CWC27: variants seen among roughly 807,000 people sequenced by gnomAD.
CWC27 encodes the protein spliceosome-associated protein CWC27 homolog.
Under a neutral mutation model 63.6 loss-of-function variants are expected in CWC27, and 47 were observed. That is an observed-to-expected ratio of 0.74 (90% CI 0.58 to 0.94). CWC27 has a LOEUF of 0.94. Ranked by LOEUF, CWC27 falls within the 40% of genes least tolerant of loss-of-function variation. The pLI is 0.00. For missense variants in CWC27, 495 were observed against 554.3 expected, an observed-to-expected ratio of 0.89 and a Z score of 1.07; for synonymous variants, 175 against 179.8, an observed-to-expected ratio of 0.97 and a Z score of 0.22.
At position 64,939,167 on chromosome 5, in the gene CWC27, T is replaced by G. The variant is rs150438917; in HGVS notation, c.1043-32536T>G. Among the ~76,000 whole-genome samples the G allele has an allele frequency of 4.3e-3, 656 of 152,306 alleles. 3 individuals are homozygous for G. The highest frequency in any genetic ancestry group is 0.014 in the African/African-American group (576 of 41,572). ...TTCCCTTGCTGGCGAGAAGTTGTGA[T>G]CCTTTGGAGGAGAAGAGGTGTTCTG... On this transcript the variant is annotated intron_variant, in intron 11 of 13. Coordinates refer to ENST00000381070, the MANE Select transcript of CWC27 (RefSeq NM_005869.4).
Position 64,769,143 on chromosome 5 carries a change from C to G in CWC27, c.-4C>G. 3 of 1,613,950 alleles carry G rather than the reference C, an allele frequency of 1.9e-6. No homozygotes were observed. In the South Asian group the frequency reaches 3.3e-5, roughly 18 times the overall value. ...AAGGAGCAGAGTCCTTTGTACTGACCAAGATGAGCAACATCTACATCCAGG... is the reference window on the plus strand; with the variant it reads ...AAGGAGCAGAGTCCTTTGTACTGACGAAGATGAGCAACATCTACATCCAGG... On this transcript the variant is annotated 5_prime_UTR_variant, in exon 1 of 14. Coordinates refer to ENST00000381070, the MANE Select transcript of CWC27 (RefSeq NM_005869.4).
intron 11 of CWC27, among the ~76,000 whole-genome samples, chr5:64,894,751 G>C (rs1238662013): frequency 1.3e-5 from 2 of 152,212 alleles, no homozygotes; most frequent in South Asian, 4.1e-4. Context: ...ACTAAGATAA[G>C]TTAGTGGAGC....
chr5:64,998,017 T>C (rs951333756), intron 13 of CWC27, among the ~76,000 whole-genome samples: 8 of 152,112 alleles, frequency 5.3e-5, no homozygotes, highest in African/African-American at 1.9e-4. Flanking sequence ...GTTGTCAGAG[T>C]TGCTGACCCT....
rs116354446 is a variant in CWC27, at chr5:64,950,299, C to T, written c.1043-21404C>T. ...TAATATATGGTATCTGTCTAATGTA[C>T]ACATATAAGTGTTTTTTTTCCAATC... On this transcript the variant is annotated intron_variant, in intron 11 of 13. Coordinates refer to ENST00000381070, the MANE Select transcript of CWC27 (RefSeq NM_005869.4). Among the ~76,000 whole-genome samples, 625 of 151,710 alleles carry T rather than the reference C, an allele frequency of 4.1e-3. 2 individuals are homozygous for T. Among genetic ancestry groups the T allele is most frequent in the African/African-American group, 0.014 (583 of 41,410 alleles).
intron 10 of CWC27, among the ~76,000 whole-genome samples, chr5:64,877,724 C>T (rs1346408021): frequency 6.6e-6 from 1 of 151,910 alleles, no homozygotes; most frequent in African/African-American, 2.4e-5. Flanking sequence ...ATAAAATATT[C>T]AGTTTAAAGG....
intron 10 of CWC27, among the ~76,000 whole-genome samples, chr5:64,810,866 T>C (rs1252632713): frequency 6.6e-6 from 1 of 152,102 alleles, no homozygotes; most frequent in Admixed American, 6.6e-5. Context: ...TTCAACAGGG[T>C]TAAGACATTT....
At position 64,894,854 on chromosome 5, in the gene CWC27, G is replaced by A. The variant is rs544229025; in HGVS notation, c.1042+9308G>A. 6.6e-5 allele frequency among the ~76,000 whole-genome samples: 10 copies of A among 152,296 alleles called. No homozygotes were observed. The East Asian group carries it at 1.9e-3, about 29-fold the overall frequency. ...TCTCACAAAGTTCATGGAAGATTAT[G>A]TAAAACTTAAGGTTTTCCCAAGGTA... On this transcript the variant is annotated intron_variant, in intron 11 of 13. Coordinates refer to ENST00000381070, the MANE Select transcript of CWC27 (RefSeq NM_005869.4).
intron 11 of CWC27, among the ~76,000 whole-genome samples, chr5:64,926,504 T>C (rs992273455): frequency 2.6e-5 from 4 of 152,018 alleles, no homozygotes; most frequent in Admixed American, 2.6e-4. Context: ...ATGCTTACTA[T>C]ATTATATTCT....
intron 11 of CWC27, among the ~76,000 whole-genome samples, chr5:64,949,007 G>A (rs763448711): frequency 1.3e-5 from 2 of 151,934 alleles, no homozygotes; most frequent in African/African-American, 2.4e-5. Flanking sequence ...GAAAACCACT[G>A]ACTTAAATGT....
intron 11 of CWC27, among the ~76,000 whole-genome samples, chr5:64,939,939 GCCTCAGTAATGGTACACGTCCCTTC>G (rs1465268631): frequency 6.6e-6 from 1 of 152,200 alleles, no homozygotes; most frequent in Non-Finnish European, 1.5e-5. Flanking sequence ...GCCTACTCAA[GCCTCAGTAATGGTACACGTCCCTTC>G]CCCCACCAAG....
chr5:64,799,457 A>G (rs1446702142), intron 7 of CWC27, among the ~76,000 whole-genome samples: 1 of 144,726 alleles, frequency 6.9e-6, no homozygotes, highest in Admixed American at 6.7e-5. Flanking sequence ...GTGGTGGCGC[A>G]TACCTGTAAT....
chr5:64,998,290 G>A (rs1418349150), intron 13 of CWC27, among the ~76,000 whole-genome samples: 2 of 152,138 alleles, frequency 1.3e-5, no homozygotes, highest in Non-Finnish European at 2.9e-5. Flanking sequence ...ATGGAAGACA[G>A]TTGTTCTGTT....
chr5:64,999,793 G>C (rs1236952165), intron 13 of CWC27, among the ~76,000 whole-genome samples: 1 of 152,044 alleles, frequency 6.6e-6, no homozygotes, highest in Non-Finnish European at 1.5e-5. Context: ...GTGCTGCAAT[G>C]AACATGTGGG....
intron 11 of CWC27, among the ~76,000 whole-genome samples, chr5:64,919,921 T>A (rs1747964380): frequency 6.6e-6 from 1 of 152,256 alleles, no homozygotes; most frequent in South Asian, 2.1e-4. Context: ...TTTGGATATT[T>A]ACCCAATAGT....
intron 11 of CWC27, among the ~76,000 whole-genome samples, chr5:64,968,133 TA>T (rs1303332941): frequency 1.3e-5 from 2 of 151,878 alleles, no homozygotes; most frequent in Non-Finnish European, 2.9e-5. Flanking sequence ...AACAAGCACA[TA>T]AAAAATGTAA....
At chr5:64,989,545 CAG>C (rs1749496664) in intron 13 of CWC27, among the ~76,000 whole-genome samples, 1 of 152,216 alleles carries the variant, frequency 6.6e-6, no homozygotes, top group South Asian at 2.1e-4. Context: ...AGTTGAAAAA[CAG>C]TACCTTAGGA....
At chr5:64,886,068 G>T (rs1375087411) in intron 11 of CWC27, among the ~76,000 whole-genome samples, 1 of 151,834 alleles carries the variant, frequency 6.6e-6, no homozygotes, top group Non-Finnish European at 1.5e-5. Context: ...TTTTTTGTTT[G>T]TTTTTTGTTT....
At chr5:64,795,093 T>C (rs1744221064) in intron 7 of CWC27, among the ~76,000 whole-genome samples, 1 of 152,156 alleles carries the variant, frequency 6.6e-6, no homozygotes. Flanking sequence ...GTTTCGCCAC[T>C]TTTGAGACTA....
intron 10 of CWC27, among the ~76,000 whole-genome samples, chr5:64,830,492 C>T (rs1412980698): frequency 1.3e-5 from 2 of 152,116 alleles, no homozygotes; most frequent in African/African-American, 2.4e-5. Context: ...AAAACCTAGA[C>T]AACCCCATTC....
Sources: allele counts gnomAD v4.1 joint callset (sites outside exome capture counted in the v4.1 genomes callset), GRCh38; gene constraint gnomAD v4.1.1; transcripts MANE v1.5; gene names NCBI Gene and HGNC (gene_info 2026-07-23, HGNC 2026-07-21).